The following RAB7A variants were observed in gnomAD, a reference collection of about 807,000 sequenced individuals.
RAB7A encodes ras-related protein Rab-7a.
RAB7A carries 2 observed loss-of-function variants against 24.5 expected under a neutral mutation model. That is an observed-to-expected ratio of 0.08 (90% CI 0.03 to 0.26). The LOEUF is 0.26. Ranked by LOEUF, RAB7A falls within the 10% of genes least tolerant of loss-of-function variation. RAB7A has a pLI of 1.00. For synonymous variants in RAB7A, 100 were observed against 95.9 expected, an observed-to-expected ratio of 1.04 and a Z score of -0.25; for missense variants, 118 against 255.7, an observed-to-expected ratio of 0.46 and a Z score of 3.67.
At chr3:128,793,200 T>A (rs1423437554) in intron 1 of RAB7A, among the ~76,000 whole-genome samples, 1 of 75,058 alleles carries the variant, frequency 1.3e-5, no homozygotes, top group Non-Finnish European at 2.2e-5. Context: ...ATTTTTCATA[T>A]TTAGTAGAGA....
At chr3:128,763,869 C>CCA (rs1553719006) in intron 1 of RAB7A, among the ~76,000 whole-genome samples, 2 of 53,528 alleles carry the variant, frequency 3.7e-5, no homozygotes, top group African/African-American at 3.3e-4. Flanking sequence ...TTCCCGCCCC[C>CCA]CCCCCCGCCC....
chr3:128,810,818 C>G (rs540775282), intron 5 of RAB7A, among the ~76,000 whole-genome samples: 1 of 151,616 alleles, frequency 6.6e-6, no homozygotes, highest in South Asian at 2.1e-4. Flanking sequence ...CTTCGGGAGG[C>G]TGAGGCGGGT....
chr3:128,741,221 T>C (rs1018602092), intron 1 of RAB7A, among the ~76,000 whole-genome samples: 25 of 152,290 alleles, frequency 1.6e-4, no homozygotes, highest in Admixed American at 1.6e-3. Flanking sequence ...CCTTTTCGTG[T>C]TGCAAACATT....
chr3:128,781,473 A>G (rs1485314366), intron 1 of RAB7A, among the ~76,000 whole-genome samples: 1 of 151,776 alleles, frequency 6.6e-6, no homozygotes, highest in Admixed American at 6.6e-5. Context: ...GTTTGAGACC[A>G]GCCTGGGCAA....
chr3:128,778,268 A>C (rs77008528), intron 1 of RAB7A, among the ~76,000 whole-genome samples: 1 of 152,212 alleles, frequency 6.6e-6, no homozygotes, highest in African/African-American at 2.4e-5. Flanking sequence ...TAACTGTTAC[A>C]TTGGACAGTT....
Position 128,741,603 on chromosome 3 carries a change from C to T in RAB7A, c.-9+15244C>T, listed in dbSNP as rs192396730. Among the ~76,000 whole-genome samples the T allele has an allele frequency of 1.1e-3, 160 of 152,090 alleles. 4 individuals are homozygous for T. Among genetic ancestry groups the T allele is most frequent in the Admixed American group, 8.8e-3 (135 of 15,268 alleles). On this transcript the variant is annotated intron_variant, in intron 1 of 5. Coordinates refer to ENST00000265062, the MANE Select transcript of RAB7A (RefSeq NM_004637.6). ...CTCACTATGTTGCCTAGGCTGGTCT[C>T]GAACTCCTGCACTCAAGCAATCCTC...
intron 1 of RAB7A, among the ~76,000 whole-genome samples, chr3:128,765,819 T>A (rs1006211353): frequency 3.4e-4 from 51 of 150,904 alleles, no homozygotes; most frequent in Admixed American, 3.0e-3. Flanking sequence ...TGGAGTACAA[T>A]GGCTCAGTCT....
At chr3:128,795,751 C>CTGTTTTTTTTT (rs1933554904) in intron 2 of RAB7A, among the ~76,000 whole-genome samples, 1 of 43,032 alleles carries the variant, frequency 2.3e-5, no homozygotes, top group Non-Finnish European at 4.7e-5. Flanking sequence ...AGCAGATGTG[C>CTGTTTTTTTTT]TTTTTTTTTT....
chr3:128,752,248 C>T (rs2107591838), intron 1 of RAB7A, among the ~76,000 whole-genome samples: 1 of 152,164 alleles, frequency 6.6e-6, no homozygotes, highest in South Asian at 2.1e-4. Flanking sequence ...ATACTGACTA[C>T]ACTAACAGTG....
chr3:128,742,548 T>C (rs886453989), intron 1 of RAB7A, among the ~76,000 whole-genome samples: 7 of 152,186 alleles, frequency 4.6e-5, no homozygotes. Flanking sequence ...AGAGTGCTGA[T>C]TGGTGTGTTT....
At chr3:128,786,634 C>T (rs921596307) in intron 1 of RAB7A, among the ~76,000 whole-genome samples, 3 of 152,132 alleles carry the variant, frequency 2.0e-5, no homozygotes, top group Non-Finnish European at 4.4e-5. Flanking sequence ...CTGCTACTTC[C>T]GAACTCTGTA....
chr3:128,758,732 T>G, intron 1 of RAB7A, among the ~76,000 whole-genome samples: 1 of 152,112 alleles, frequency 6.6e-6, no homozygotes, highest in African/African-American at 2.4e-5. Flanking sequence ...GATAAAAGGG[T>G]TTGGAGTATA....
chr3:128,757,524 A>ATT (rs574862753), intron 1 of RAB7A, among the ~76,000 whole-genome samples: 3 of 145,486 alleles, frequency 2.1e-5, no homozygotes, highest in Non-Finnish European at 3.0e-5. Context: ...TTTAAAAACA[A>ATT]TTTTTTTTTT....
intron 1 of RAB7A, among the ~76,000 whole-genome samples, chr3:128,736,938 C>T (rs1205981280): frequency 3.3e-5 from 5 of 152,154 alleles, no homozygotes; most frequent in African/African-American, 9.7e-5. Context: ...GAATCTCTTT[C>T]TACAAATCAG....
intron 3 of RAB7A, chr3:128,798,560 A>G (rs928263275): frequency 5.8e-6 from 1 of 173,580 alleles, no homozygotes; most frequent in Non-Finnish European, 1.2e-5. Context: ...TAATCTTTCA[A>G]GGGTTCCCTT....
At chr3:128,732,472 G>A (rs1238087310) in intron 1 of RAB7A, among the ~76,000 whole-genome samples, 1 of 151,960 alleles carries the variant, frequency 6.6e-6, no homozygotes, top group Non-Finnish European at 1.5e-5. Flanking sequence ...AGACCAAAGT[G>A]TTAACTGGTT....
At chr3:128,809,933 AGTCTTTTTTT>A (rs1933885919) in intron 5 of RAB7A, among the ~76,000 whole-genome samples, 1 of 54,056 alleles carries the variant, frequency 1.8e-5, no homozygotes, top group Non-Finnish European at 3.6e-5. Context: ...CTCTTGCCAC[AGTCTTTTTTT>A]TTTTTTTTTT....
At chr3:128,755,562 A>G (rs892680953) in intron 1 of RAB7A, among the ~76,000 whole-genome samples, 3 of 152,210 alleles carry the variant, frequency 2.0e-5, no homozygotes, top group African/African-American at 4.8e-5. Flanking sequence ...AAAGACTAAC[A>G]AAATTGACAA....
intron 1 of RAB7A, among the ~76,000 whole-genome samples, chr3:128,737,957 T>C (rs748540796): frequency 4.7e-5 from 7 of 148,272 alleles, no homozygotes; most frequent in Non-Finnish European, 3.0e-5. Context: ...ATTACAGGAA[T>C]GAATCACCAT....
Sources: allele counts gnomAD v4.1 joint callset (sites outside exome capture counted in the v4.1 genomes callset), GRCh38; gene constraint gnomAD v4.1.1; transcripts MANE v1.5; gene names NCBI Gene and HGNC (gene_info 2026-07-23, HGNC 2026-07-21).